Variants in MEIS1 observed in about 807,000 individuals in gnomAD.
MEIS1 encodes Meis homeobox 1, also known as homeobox protein Meis1.
A neutral mutation model predicts 50.8 loss-of-function variants in MEIS1; 5 were observed. That is an observed-to-expected ratio of 0.10 (90% confidence interval 0.05 to 0.21). MEIS1 has a LOEUF of 0.21. MEIS1 is among the 10% of genes least tolerant of loss of function. The pLI, the probability that MEIS1 is intolerant of heterozygous loss-of-function variation, is 1.00. For missense variants in MEIS1, 318 were observed against 517.3 expected (o/e 0.61, Z 3.74); for synonymous variants, 176 against 179.3 (o/e 0.98, Z 0.15).
At chr2:66,456,593 C>T (rs567301424) in intron 6 of MEIS1, among the ~76,000 whole-genome samples, 1 of 152,166 alleles carries the variant, frequency 6.6e-6, no homozygotes, top group Admixed American at 6.5e-5. Context: ...CCCTTCAGGC[C>T]TCTATTAAGT....
intron 7 of MEIS1, among the ~76,000 whole-genome samples, chr2:66,481,980 G>A (rs761186120): frequency 1.4e-5 from 2 of 147,672 alleles, no homozygotes; most frequent in South Asian, 4.3e-4. Context: ...TCAGCCTCCC[G>A]AGTAGCTGGG....
In MEIS1 at chr2:66,500,433, A is replaced by AT. The variant is rs1027572242; in HGVS notation, c.743-11710dup. ...TTTTTAAATTTTTATTTATTTATTT[A>AT]TTTTTTATTGAGATGGAGTCTCGCT... On this transcript the variant is annotated intron_variant, in intron 7 of 12. Coordinates refer to ENST00000272369, the MANE Select transcript of MEIS1 (RefSeq NM_002398.3). 3.4e-4 allele frequency among the ~76,000 whole-genome samples: 51 copies of AT among 152,120 alleles called. 1 individual carries two copies. The highest frequency in any genetic ancestry group is 7.4e-5 in the Non-Finnish European group (5 of 67,996).
At chr2:66,473,397 A>AAAAAAAAAAAAAATATATATATATAT in intron 7 of MEIS1, among the ~76,000 whole-genome samples, 26 of 107,546 alleles carry the variant, frequency 2.4e-4, no homozygotes, top group African/African-American at 1.3e-3. Flanking sequence ...AAAAAAAAAA[A>AAAAAAAAAAAAAATATATATATATAT]ATATATATAT....
In MEIS1 at chr2:66,452,154, C is replaced by G. The variant is rs138826736; in HGVS notation, c.630+9106C>G. ...GCAACATTTACTTGAAAGTTCCCAC[C>G]AGATCTGGAGTTGTTTTATAATCCA... On this transcript the variant is annotated intron_variant, in intron 6 of 12. Coordinates refer to ENST00000272369, the MANE Select transcript of MEIS1 (RefSeq NM_002398.3). Among the ~76,000 whole-genome samples the G allele has an allele frequency of 1.4e-4, 21 of 151,862 alleles. No individual in the cohort carries two copies. In the East Asian group the frequency reaches 3.9e-3, roughly 28 times the overall value.
chr2:66,553,403 T>G (rs989439862), intron 9 of MEIS1, among the ~76,000 whole-genome samples: 3 of 152,360 alleles, frequency 2.0e-5, no homozygotes, highest in Non-Finnish European at 1.5e-5. Flanking sequence ...GAGTGTCAAT[T>G]CTAATAATAT....
chr2:66,469,074 G>C (rs908219996), intron 7 of MEIS1, among the ~76,000 whole-genome samples: 1 of 151,898 alleles, frequency 6.6e-6, no homozygotes, highest in African/African-American at 2.4e-5. Context: ...TTTCTACATG[G>C]AAATTTGATG....
At chr2:66,506,899 C>G (rs1673696500) in intron 7 of MEIS1, among the ~76,000 whole-genome samples, 1 of 152,088 alleles carries the variant, frequency 6.6e-6, no homozygotes, top group South Asian at 2.1e-4. Context: ...CCAGAGAGGC[C>G]ACTGTAAAGG....
intron 7 of MEIS1, among the ~76,000 whole-genome samples, chr2:66,475,792 G>A (rs1672879250): frequency 6.6e-6 from 1 of 152,188 alleles, no homozygotes; most frequent in South Asian, 2.1e-4. Context: ...GAACAATGCT[G>A]CAGTTATAAT....
intron 8 of MEIS1, among the ~76,000 whole-genome samples, chr2:66,534,571 A>G (rs1455362755): frequency 6.6e-6 from 1 of 151,890 alleles, no homozygotes; most frequent in Non-Finnish European, 1.5e-5. Flanking sequence ...TTTCCTTTAG[A>G]TTTGCCATTT....
intron 6 of MEIS1, among the ~76,000 whole-genome samples, chr2:66,459,079 G>A (rs1448280801): frequency 1.3e-5 from 2 of 152,148 alleles, no homozygotes; most frequent in Admixed American, 6.5e-5. Flanking sequence ...TGCATGAGAT[G>A]GTCTGAGCTC....
chr2:66,504,136 T>C lies in MEIS1; in HGVS notation c.743-8013T>C, dbSNP rs192933201. On this transcript the variant is annotated intron_variant, in intron 7 of 12. Coordinates refer to ENST00000272369, the MANE Select transcript of MEIS1 (RefSeq NM_002398.3). The stretch of plus-strand genomic sequence containing the variant: ...AGGAAGAAGTATTTTCTCCAGGCTC[T>C]GACTCTCCATGTCTTCCTTTAGGTT... Among the ~76,000 whole-genome samples the C allele has an allele frequency of 4.7e-3, 711 of 152,270 alleles. 2 individuals are homozygous for C. The highest frequency in any genetic ancestry group is 8.1e-3 in the Admixed American group (124 of 15,282).
At position 66,569,212 on chromosome 2, in the gene MEIS1, T is replaced by C. The variant is rs1420049455; in HGVS notation, c.*37+67T>C. The stretch of plus-strand genomic sequence containing the variant: ...ATATTTTTCCTCTTGCATTTTCTTA[T>C]GTTCTCCTTGCCCATAGCTTCATGC... On this transcript the variant is annotated intron_variant, in intron 12 of 12. Transcript: ENST00000272369. 3 of 1,323,116 alleles carry C rather than the reference T, an allele frequency of 2.3e-6. No homozygotes were observed. In the Admixed American group the frequency reaches 6.0e-5, roughly 26 times the overall value. 82.0% of individuals were successfully genotyped at this position (1,323,116 alleles called of 1,614,324 possible).
At chr2:66,506,518 A>G (rs987395065) in intron 7 of MEIS1, among the ~76,000 whole-genome samples, 2 of 152,168 alleles carry the variant, frequency 1.3e-5, no homozygotes, top group African/African-American at 4.8e-5. Flanking sequence ...CTGGAAAAAC[A>G]CCCAGGAGAG....
intron 7 of MEIS1, among the ~76,000 whole-genome samples, chr2:66,509,482 CTG>C (rs1223103019): frequency 6.6e-5 from 10 of 152,336 alleles, no homozygotes; most frequent in Admixed American, 4.6e-4. Flanking sequence ...GAAGAACAAA[CTG>C]TGCATTAAGC....
At position 66,549,383 on chromosome 2, in the gene MEIS1, G is replaced by A. The variant is rs4671734; in HGVS notation, c.965+1364G>A. On this transcript the variant is annotated intron_variant, in intron 9 of 12. Coordinates refer to ENST00000272369, the MANE Select transcript of MEIS1 (RefSeq NM_002398.3). The stretch of plus-strand genomic sequence containing the variant: ...ATACTACATCTAAATGTGTTACTAC[G>A]AGTTGTGTGGCTGCTGAGGTTTTTT... Among the ~76,000 whole-genome samples, 502 of 151,994 alleles carry A rather than the reference G, an allele frequency of 3.3e-3. 17 individuals are homozygous for A. Among genetic ancestry groups the A allele is most frequent in the Admixed American group, 0.03 (457 of 15,252 alleles).
rs544534853 is a variant in MEIS1, at chr2:66,435,431, G to C, written c.-426G>C. 3.4e-6 allele frequency: 1 copy of C among 290,392 alleles called. No individual in the cohort carries two copies. Among genetic ancestry groups the C allele is most frequent in the Non-Finnish European group, 6.3e-6 (1 of 159,870 alleles). 18.0% of individuals were successfully genotyped at this position (290,392 alleles called of 1,614,324 possible). A position where few individuals can be genotyped will look rare whatever the true frequency, so the allele number is the denominator to read the frequency against. The stretch of plus-strand genomic sequence containing the variant: ...GGTGTTCTGACCAGAAGAAGACAGA[G>C]CGGATGATCATTCATTCACCACGTT... On this transcript the variant is annotated 5_prime_UTR_variant, in exon 1 of 13. Transcript: ENST00000272369.
chr2:66,487,191 T>G (rs1397554755), intron 7 of MEIS1, among the ~76,000 whole-genome samples: 1 of 152,200 alleles, frequency 6.6e-6, no homozygotes, highest in Non-Finnish European at 1.5e-5. Flanking sequence ...TGTGAAGCAT[T>G]GCATTGACAT....
rs1490429476 is a variant in MEIS1, at chr2:66,448,390, C to G, written c.630+5342C>G. 2.0e-5 allele frequency among the ~76,000 whole-genome samples: 3 copies of G among 151,998 alleles called. No homozygotes were observed. In the East Asian group the frequency reaches 5.8e-4, roughly 29 times the overall value. On this transcript the variant is annotated intron_variant, in intron 6 of 12. Coordinates refer to ENST00000272369, the MANE Select transcript of MEIS1 (RefSeq NM_002398.3). ...TAAAAAACAAAGACTATTTGTGCTC[C>G]CATAGTAGAAACTTATGTTTATTAA...
chr2:66,490,534 T>TA, intron 7 of MEIS1, among the ~76,000 whole-genome samples: 1 of 152,274 alleles, frequency 6.6e-6, no homozygotes, highest in East Asian at 1.9e-4. Flanking sequence ...TTTAGGGTGT[T>TA]ATAAAGGACC....
Sources: gnomAD v4.1 joint callset for allele counts (sites outside exome capture counted in the v4.1 genomes callset) on GRCh38, gnomAD v4.1.1 for gene constraint, MANE v1.5 for transcripts, NCBI Gene and HGNC (gene_info 2026-07-23, HGNC 2026-07-21) for gene names.